Variants in PDE4D observed in about 807,000 individuals in gnomAD.
PDE4D encodes phosphodiesterase 4D, also known as 3',5'-cyclic-AMP phosphodiesterase 4D.
In PDE4D, 24 loss-of-function variants were observed where a neutral mutation model predicts 87.4. That is an observed-to-expected ratio of 0.27 (90% CI 0.20 to 0.39). PDE4D has a LOEUF of 0.39. Among genes scored for constraint, PDE4D ranks in the 10% least tolerant of loss-of-function variants. The pLI is 1.00. For synonymous variants in PDE4D, 384 were observed against 383.2 expected (o/e 1.00, Z -0.02); for missense variants, 714 against 1,041.0 (o/e 0.69, Z 4.32).
chr5:60,370,590 C>T (rs1760938749), intron 1 of PDE4D, among the ~76,000 whole-genome samples: 1 of 152,174 alleles, frequency 6.6e-6, no homozygotes, highest in African/African-American at 2.4e-5. Context: ...ACGATGACTG[C>T]TAAAAGCTGG....
At chr5:59,482,453 C>A (rs1465791975) in intron 1 of PDE4D, among the ~76,000 whole-genome samples, 2 of 152,102 alleles carry the variant, frequency 1.3e-5, no homozygotes, top group African/African-American at 4.8e-5. Flanking sequence ...TAAAGAAAAT[C>A]ATTTTGCAAT....
chr5:59,886,048 G>T (rs534911925), intron 1 of PDE4D, among the ~76,000 whole-genome samples: 1 of 152,198 alleles, frequency 6.6e-6, no homozygotes, highest in African/African-American at 2.4e-5. Flanking sequence ...AATATATCCT[G>T]TCTGAGAGAG....
chr5:59,123,889 C>T (rs1236183928), intron 5 of PDE4D, among the ~76,000 whole-genome samples: 1 of 152,072 alleles, frequency 6.6e-6, no homozygotes, highest in Admixed American at 6.5e-5. Flanking sequence ...TGACTCTGGG[C>T]AAGTTGCTTA....
chr5:59,971,813 T>C lies in PDE4D; in HGVS notation c.272+16675A>G, dbSNP rs1041165074. 5.9e-5 allele frequency among the ~76,000 whole-genome samples: 9 copies of C among 152,340 alleles called. No homozygotes were observed. The East Asian group carries it at 1.3e-3, about 23-fold the overall frequency. The stretch of plus-strand genomic sequence containing the variant: ...CAAAGTCAGGGCACTTTCTGTACTT[T>C]AGTTTCTAGAGTGATCAAGGGCTGT... On this transcript the variant is annotated intron_variant, in intron 3 of 16. Transcript: ENST00000502484.
intron 1 of PDE4D, among the ~76,000 whole-genome samples, chr5:59,308,252 C>A (rs1771828362): frequency 1.3e-5 from 2 of 151,436 alleles, no homozygotes; most frequent in Admixed American, 6.6e-5. Flanking sequence ...AGGAGATATA[C>A]CTAATGCTAA....
intron 4 of PDE4D, among the ~76,000 whole-genome samples, chr5:59,182,170 C>T (rs1404361945): frequency 6.6e-6 from 1 of 151,798 alleles, no homozygotes; most frequent in Non-Finnish European, 1.5e-5. Flanking sequence ...AATTTAAACT[C>T]GATAAACCAA....
chr5:59,738,442 G>C (rs930825098), intron 1 of PDE4D, among the ~76,000 whole-genome samples: 1 of 151,972 alleles, frequency 6.6e-6, no homozygotes, highest in South Asian at 2.1e-4. Flanking sequence ...GCAATCATGG[G>C]GGGGAAGGCA....
chr5:59,172,324 A>G (rs1318072066), intron 5 of PDE4D, among the ~76,000 whole-genome samples: 2 of 130,990 alleles, frequency 1.5e-5, no homozygotes, highest in African/African-American at 2.9e-5. Flanking sequence ...TATAAAATAT[A>G]TAATATATAA....
chr5:59,766,187 G>A (rs1180226303), intron 1 of PDE4D, among the ~76,000 whole-genome samples: 1 of 152,116 alleles, frequency 6.6e-6, no homozygotes. Context: ...AACGTCTTGG[G>A]GCTCATTCAA....
chr5:59,338,546 C>T (rs1406974253), intron 1 of PDE4D, among the ~76,000 whole-genome samples: 1 of 152,164 alleles, frequency 6.6e-6, no homozygotes, highest in Non-Finnish European at 1.5e-5. Context: ...TGCCGAAAGA[C>T]TGCACGTCAT....
At chr5:60,103,737 T>A (rs1307520681) in intron 2 of PDE4D, among the ~76,000 whole-genome samples, 16 of 152,186 alleles carry the variant, frequency 1.1e-4, no homozygotes, top group Admixed American at 1.0e-3. Context: ...TCATTCTATC[T>A]GTCACTCTCA....
At chr5:60,191,301 GT>G (rs1785179097) in intron 1 of PDE4D, among the ~76,000 whole-genome samples, 1 of 151,900 alleles carries the variant, frequency 6.6e-6, no homozygotes, top group African/African-American at 2.4e-5. Context: ...CCAAAATCTC[GT>G]CTTGAATTAT....
intron 11 of PDE4D, among the ~76,000 whole-genome samples, chr5:58,986,145 C>T (rs1746372843): frequency 6.6e-6 from 1 of 152,232 alleles, no homozygotes; most frequent in African/African-American, 2.4e-5. Flanking sequence ...TACTAAATAA[C>T]AAAGAAAGAA....
chr5:60,070,603 A>G (rs1040964436), intron 2 of PDE4D, among the ~76,000 whole-genome samples: 2 of 151,978 alleles, frequency 1.3e-5, no homozygotes, highest in Non-Finnish European at 2.9e-5. Flanking sequence ...GCTGGGGTTT[A>G]GTAGAGGAAT....
intron 2 of PDE4D, among the ~76,000 whole-genome samples, chr5:60,035,759 C>T (rs1044517213): frequency 8.5e-5 from 13 of 152,072 alleles, no homozygotes; most frequent in African/African-American, 2.7e-4. Flanking sequence ...GGGAGGCACC[C>T]GATGGGCTCA....
chr5:59,602,961 G>A (rs181998389), intron 1 of PDE4D, among the ~76,000 whole-genome samples: 2 of 152,062 alleles, frequency 1.3e-5, no homozygotes, highest in Non-Finnish European at 2.9e-5. Context: ...AATAAATGGT[G>A]CTGGGAAAAC....
chr5:59,310,725 C>G (rs1181695083), intron 1 of PDE4D, among the ~76,000 whole-genome samples: 1 of 152,178 alleles, frequency 6.6e-6, no homozygotes. Context: ...TCTACCATTC[C>G]CACGGGTGGC....
chr5:60,016,601 T>C (rs1003127602), intron 2 of PDE4D, among the ~76,000 whole-genome samples: 11 of 152,222 alleles, frequency 7.2e-5, no homozygotes, highest in African/African-American at 1.9e-4. Context: ...TAAGTTTATA[T>C]TATATTCTAA....
At chr5:60,230,438 AT>A (rs1282657096) in intron 1 of PDE4D, among the ~76,000 whole-genome samples, 2 of 152,068 alleles carry the variant, frequency 1.3e-5, no homozygotes, top group Non-Finnish European at 2.9e-5. Context: ...TTCTAGTTGG[AT>A]TTTTCATTCC....
Sources: allele counts gnomAD v4.1 joint callset (sites outside exome capture counted in the v4.1 genomes callset), GRCh38; gene constraint gnomAD v4.1.1; transcripts MANE v1.5; gene names NCBI Gene and HGNC (gene_info 2026-07-23, HGNC 2026-07-21).